Variants in DNAH14 observed in about 807,000 individuals in gnomAD.
DNAH14 encodes the protein axonemal beta dynein heavy chain 14.
A neutral mutation model predicts 520.9 loss-of-function variants in DNAH14; 478 were observed. The ratio of observed to expected loss-of-function variants is 0.92; its 90% CI spans 0.85 to 0.99. The LOEUF is 0.99. Ranked by LOEUF, DNAH14 falls within the 50% of genes least tolerant of loss-of-function variation. The probability of loss-of-function intolerance (pLI) is 0.00; values close to 1 mark genes in which losing one functional copy is unlikely to be tolerated. For missense variants in DNAH14, 4,831 were observed against 5,234.5 expected (o/e 0.92, Z 2.38); for synonymous variants, 1,581 against 1,757.2 (o/e 0.90, Z 2.51).
At position 225,153,700 on chromosome 1, in the gene DNAH14, T is replaced by C. The variant is rs755052333; in HGVS notation, c.5197-50T>C. 1.0e-5 allele frequency: 14 copies of C among 1,349,096 alleles called. No homozygotes were observed. In the African/African-American group the frequency reaches 1.5e-4, roughly 14 times the overall value. The allele number at this position is 1,349,096 out of a possible 1,614,324, so 83.6% of individuals were successfully genotyped here. Reference sequence around the variant, plus strand: ...TATATACTGTGTGCATTTGTTTTCATATTTTTTCTTTAGAAACTTTAATAA... The same window carrying C: ...TATATACTGTGTGCATTTGTTTTCACATTTTTTCTTTAGAAACTTTAATAA... On this transcript the variant is annotated intron_variant, in intron 33 of 85. Transcript: ENST00000682510.
At chr1:225,309,479 C>T (rs2094314010) in intron 60 of DNAH14, among the ~76,000 whole-genome samples, 2 of 152,260 alleles carry the variant, frequency 1.3e-5, no homozygotes, top group Admixed American at 1.3e-4. Flanking sequence ...AGGCCCCATT[C>T]CTGAGCCTTC....
In DNAH14 at chr1:224,967,532, T is replaced by C. The variant is rs758994377; in HGVS notation, c.600T>C (p.Thr200=). 9 of 1,604,932 alleles carry C rather than the reference T, an allele frequency of 5.6e-6. No individual in the cohort carries two copies. Among genetic ancestry groups the C allele is most frequent in the Middle Eastern group, 1.7e-4 (1 of 6,020 alleles). Residue 200 remains threonine, a synonymous_variant, in exon 6 of 86, where the codon ACT becomes ACC. Transcript: ENST00000682510. ...PYDLQVVSAH[T]AKHCKEFWVI... ...ATCTTCAGGTAGTATCGGCTCATACTGCTAAACATTGCAAAGAATTTTGGG... is the reference window on the plus strand; with the variant it reads ...ATCTTCAGGTAGTATCGGCTCATACCGCTAAACATTGCAAAGAATTTTGGG...
At chr1:225,189,803 T>C (rs907597811) in intron 37 of DNAH14, among the ~76,000 whole-genome samples, 1 of 152,088 alleles carries the variant, frequency 6.6e-6, no homozygotes, top group African/African-American at 2.4e-5. Flanking sequence ...TTACTGATGA[T>C]GGACTTTTGC....
In DNAH14 at chr1:225,206,853, A is replaced by G. The variant is rs1406996232; in HGVS notation, c.6187-115A>G. ...ATCATTTGCCCTTTAATGAATGACA[A>G]TTCTAAGTCATATTTATGAGAGGGC... On this transcript the variant is annotated intron_variant, in intron 40 of 85. Coordinates refer to ENST00000682510, the MANE Select transcript of DNAH14 (RefSeq NM_001367479.1). 4.2e-6 allele frequency: 4 copies of G among 942,800 alleles called. No individual in the cohort carries two copies. In the African/African-American group the frequency reaches 5.2e-5, roughly 12 times the overall value. The allele number at this position is 942,800 out of a possible 1,614,324, so 58.4% of individuals were successfully genotyped here.
intron 79 of DNAH14, among the ~76,000 whole-genome samples, chr1:225,378,802 C>G (rs993879871): frequency 1.3e-5 from 2 of 151,598 alleles, no homozygotes; most frequent in Non-Finnish European, 2.9e-5. Context: ...ATTGCTTGAA[C>G]CCGGGAGGGG....
chr1:225,240,488 C>T (rs2091905389), intron 42 of DNAH14, 105 bp from the exon 43 acceptor site: 7 of 718,402 alleles, frequency 9.7e-6, no homozygotes, highest in African/African-American at 8.9e-5. Context: ...AACTGCATTA[C>T]AATTTTTAAT....
chr1:225,105,716 C>A (rs1371622624), intron 23 of DNAH14, among the ~76,000 whole-genome samples: 1 of 151,856 alleles, frequency 6.6e-6, no homozygotes, highest in Non-Finnish European at 1.5e-5. Context: ...AACGCCTGCC[C>A]TTTTTTGTTT....
intron 36 of DNAH14, among the ~76,000 whole-genome samples, chr1:225,176,190 T>A (rs1010812621): frequency 2.6e-5 from 4 of 152,228 alleles, no homozygotes; most frequent in East Asian, 1.9e-4. Flanking sequence ...AATTATTTTT[T>A]AATTTTTTTC....
At chr1:225,271,397 G>A (rs1378412907) in intron 50 of DNAH14, among the ~76,000 whole-genome samples, 1 of 152,022 alleles carries the variant, frequency 6.6e-6, no homozygotes, top group East Asian at 1.9e-4. Flanking sequence ...TATTAAAGAA[G>A]AAAACAAGAT....
At chr1:225,121,645 A>G (rs2077293763) in intron 26 of DNAH14, among the ~76,000 whole-genome samples, 1 of 152,086 alleles carries the variant, frequency 6.6e-6, no homozygotes, top group Non-Finnish European at 1.5e-5. Context: ...GTTTGAGACC[A>G]GCCTGGCCAA....
At chr1:225,320,057 T>C (rs1248332223) in intron 61 of DNAH14, among the ~76,000 whole-genome samples, 1 of 152,034 alleles carries the variant, frequency 6.6e-6, no homozygotes, top group Non-Finnish European at 1.5e-5. Context: ...TCCTCTTAGC[T>C]TTTTTTTCTA....
At chr1:225,025,010 A>G (rs2065988625) in intron 11 of DNAH14, among the ~76,000 whole-genome samples, 1 of 152,194 alleles carries the variant, frequency 6.6e-6, no homozygotes, top group Admixed American at 6.6e-5. Context: ...TTTTAAACAC[A>G]ATGTCTCCTG....
intron 77 of DNAH14, 94 bp from the exon 78 acceptor site, chr1:225,374,594 G>A (rs1388542288): frequency 1.8e-6 from 2 of 1,111,966 alleles, no homozygotes; most frequent in African/African-American, 3.1e-5. Context: ...GAAAATATAT[G>A]TAGCTGTTTG....
At chr1:225,116,647 TA>T (rs1283074072) in intron 23 of DNAH14, among the ~76,000 whole-genome samples, 1 of 152,148 alleles carries the variant, frequency 6.6e-6, no homozygotes, top group Non-Finnish European at 1.5e-5. Context: ...AAGAAGAGCA[TA>T]ATGAGTAGGA....
chr1:225,122,079 A>G (rs1473882958), intron 26 of DNAH14, among the ~76,000 whole-genome samples: 1 of 152,156 alleles, frequency 6.6e-6, no homozygotes, highest in Non-Finnish European at 1.5e-5. Flanking sequence ...AAAGATTAAA[A>G]TGTAGAAAAA....
chr1:225,045,797 G>A (rs1275329841), intron 15 of DNAH14, among the ~76,000 whole-genome samples: 1 of 152,068 alleles, frequency 6.6e-6, no homozygotes, highest in African/African-American at 2.4e-5. Flanking sequence ...GTTTCTCCAT[G>A]ATGAAGTTAC....
intron 17 of DNAH14, among the ~76,000 whole-genome samples, chr1:225,063,190 T>G (rs948882369): frequency 5.9e-5 from 9 of 152,178 alleles, no homozygotes; most frequent in Non-Finnish European, 1.3e-4. Context: ...CTTTTGTATT[T>G]GTGGAGGATT....
intron 12 of DNAH14, among the ~76,000 whole-genome samples, chr1:225,040,238 C>T (rs2067354807): frequency 6.6e-6 from 1 of 152,104 alleles, no homozygotes; most frequent in Non-Finnish European, 1.5e-5. Context: ...TGCGCCCGGC[C>T]ATATCTTTTC....
chr1:224,948,027 T>C (rs887811343), intron 1 of DNAH14, among the ~76,000 whole-genome samples: 7 of 152,046 alleles, frequency 4.6e-5, no homozygotes, highest in African/African-American at 1.7e-4. Flanking sequence ...ATATAATATA[T>C]ATGTTAAATC....
Sources: gnomAD v4.1 joint callset for allele counts (sites outside exome capture counted in the v4.1 genomes callset) on GRCh38, gnomAD v4.1.1 for gene constraint, MANE v1.5 for transcripts, NCBI Gene and HGNC (gene_info 2026-07-23, HGNC 2026-07-21) for gene names.